MDGA2: variants seen among roughly 807,000 people sequenced by gnomAD.
MDGA2 encodes the protein MAM domain containing glycosylphosphatidylinositol anchor 2.
A neutral mutation model predicts 117.8 loss-of-function variants in MDGA2; 40 were observed. That is an observed-to-expected ratio of 0.34 (90% CI 0.26 to 0.44). MDGA2 has a LOEUF of 0.44. Among genes scored for constraint, MDGA2 ranks in the 20% least tolerant of loss-of-function variants. MDGA2 has a pLI of 1.00. For synonymous variants in MDGA2, 452 were observed against 439.0 expected (o/e 1.03, Z -0.37); for missense variants, 1,123 against 1,250.6 (o/e 0.90, Z 1.54).
Position 46,882,087 on chromosome 14 carries a change from T to C in MDGA2, c.2373A>G (p.Lys791=). ...GAATTGTTGAATCTCCTTCACCAAA[T>C]TTGGTGAGAGGAGTCAGTCGGACTT... The part of the protein sequence containing the change: ...AYEVRLTPLT[K]FGEGDSTIRV... Residue 791 remains lysine, a synonymous_variant, in exon 11 of 17, where the codon AAA becomes AAG. Transcript: ENST00000399232. 6.2e-7 allele frequency: 1 copy of C among 1,611,052 alleles called. No homozygotes were observed. Among genetic ancestry groups the C allele is most frequent in the Non-Finnish European group, 8.5e-7 (1 of 1,178,146 alleles).
chr14:47,574,105 T>C (rs1227949490), intron 1 of MDGA2, among the ~76,000 whole-genome samples: 2 of 151,968 alleles, frequency 1.3e-5, no homozygotes. Flanking sequence ...GAGAAGAAAA[T>C]GGGTTCTGTG....
chr14:47,180,183 C>T (rs1441874161), intron 3 of MDGA2, among the ~76,000 whole-genome samples: 1 of 152,126 alleles, frequency 6.6e-6, no homozygotes, highest in African/African-American at 2.4e-5. Context: ...CTCCTTCCTC[C>T]CACCCTCTGG....
intron 1 of MDGA2, among the ~76,000 whole-genome samples, chr14:47,418,417 G>C (rs933811073): frequency 6.6e-6 from 1 of 152,156 alleles, no homozygotes; most frequent in Non-Finnish European, 1.5e-5. Flanking sequence ...TGGAGGCTGT[G>C]AAGTCCAAGA....
At chr14:47,493,106 T>TAGGAAAA (rs1274792767) in intron 1 of MDGA2, among the ~76,000 whole-genome samples, 2 of 151,866 alleles carry the variant, frequency 1.3e-5, no homozygotes, top group Non-Finnish European at 2.9e-5. Context: ...CTTCCTAACA[T>TAGGAAAA]TTGTTAATTC....
chr14:46,964,308 A>G (rs1291460980), intron 8 of MDGA2, among the ~76,000 whole-genome samples: 2 of 147,492 alleles, frequency 1.4e-5, no homozygotes, highest in Non-Finnish European at 2.9e-5. Flanking sequence ...ATATAATAAA[A>G]TGTGGTTCTT....
chr14:47,480,995 A>C (rs1025366579), intron 1 of MDGA2, among the ~76,000 whole-genome samples: 3 of 151,980 alleles, frequency 2.0e-5, no homozygotes, highest in African/African-American at 7.2e-5. Flanking sequence ...AAGAAGGGGC[A>C]AAAAACCCTG....
chr14:47,344,753 T>C (rs1890726471), intron 1 of MDGA2, among the ~76,000 whole-genome samples: 1 of 88,256 alleles, frequency 1.1e-5, no homozygotes, highest in Non-Finnish European at 2.5e-5. Context: ...ATGAGTTACA[T>C]GCAAAAAAAA....
intron 1 of MDGA2, among the ~76,000 whole-genome samples, chr14:47,537,045 A>G (rs1302013863): frequency 1.3e-5 from 2 of 152,182 alleles, no homozygotes; most frequent in Non-Finnish European, 2.9e-5. Flanking sequence ...GAAGAATGGC[A>G]GACTTAACTG....
chr14:47,245,530 G>C (rs1887208762), intron 2 of MDGA2, among the ~76,000 whole-genome samples: 1 of 151,550 alleles, frequency 6.6e-6, no homozygotes, highest in South Asian at 2.1e-4. Context: ...TTCATGATAT[G>C]GAGTTAGAAG....
intron 3 of MDGA2, among the ~76,000 whole-genome samples, chr14:47,159,914 T>A (rs1280284624): frequency 6.6e-6 from 1 of 152,236 alleles, no homozygotes; most frequent in Admixed American, 6.5e-5. Context: ...TATAACTTAA[T>A]TTTTATATAG....
At chr14:47,335,734 T>TTATATATATATATATATATATATATATA (rs1555374514) in intron 1 of MDGA2, among the ~76,000 whole-genome samples, 18 of 47,996 alleles carry the variant, frequency 3.8e-4, no homozygotes, top group Admixed American at 7.2e-4. Flanking sequence ...CACATATATT[T>TTATATATATATATATATATATATATATA]TATATATATA....
intron 8 of MDGA2, among the ~76,000 whole-genome samples, chr14:46,962,120 A>G (rs1885835876): frequency 6.6e-6 from 1 of 152,210 alleles, no homozygotes; most frequent in African/African-American, 2.4e-5. Context: ...CTTTCTCCAG[A>G]GAAAATTTGT....
intron 1 of MDGA2, among the ~76,000 whole-genome samples, chr14:47,319,169 T>C (rs1184621943): frequency 1.3e-5 from 2 of 152,178 alleles, no homozygotes; most frequent in African/African-American, 2.4e-5. Context: ...TACTGGTTGG[T>C]GGATCGTCAA....
At chr14:47,604,996 T>C (rs1049898080) in intron 1 of MDGA2, among the ~76,000 whole-genome samples, 9 of 150,374 alleles carry the variant, frequency 6.0e-5, no homozygotes, top group African/African-American at 7.5e-5. Context: ...TTTAAACCAC[T>C]AAACTTGGTT....
At chr14:47,445,879 T>G (rs938398574) in intron 1 of MDGA2, among the ~76,000 whole-genome samples, 1 of 152,106 alleles carries the variant, frequency 6.6e-6, no homozygotes, top group Non-Finnish European at 1.5e-5. Flanking sequence ...GAAATGGAAT[T>G]CAATTTCTTG....
intron 2 of MDGA2, among the ~76,000 whole-genome samples, chr14:47,298,975 C>T (rs1246428548): frequency 2.6e-5 from 4 of 152,156 alleles, no homozygotes; most frequent in South Asian, 2.1e-4. Flanking sequence ...CGTGAGCCAC[C>T]GCGCCCAGCC....
intron 14 of MDGA2, 101 bp downstream of exon 14, chr14:46,873,332 C>A: frequency 9.5e-7 from 1 of 1,048,802 alleles, no homozygotes. Flanking sequence ...TGAATTATAG[C>A]ATTCTTTGAC....
At chr14:47,247,242 C>T (rs898018851) in intron 2 of MDGA2, among the ~76,000 whole-genome samples, 4 of 151,294 alleles carry the variant, frequency 2.6e-5, no homozygotes, top group South Asian at 2.1e-4. Flanking sequence ...GGAACTCCTC[C>T]GGGTGTGGAG....
chr14:47,348,782 A>G (rs1210973036), intron 1 of MDGA2, among the ~76,000 whole-genome samples: 1 of 152,186 alleles, frequency 6.6e-6, no homozygotes, highest in African/African-American at 2.4e-5. Flanking sequence ...AGAACTTAAG[A>G]AAATTTTATT....
Sources: gnomAD v4.1 joint callset for allele counts (sites outside exome capture counted in the v4.1 genomes callset) on GRCh38, gnomAD v4.1.1 for gene constraint, MANE v1.5 for transcripts, NCBI Gene and HGNC (gene_info 2026-07-23, HGNC 2026-07-21) for gene names.